SUGCT: variants seen among roughly 807,000 people sequenced by gnomAD.
The protein encoded by SUGCT is succinyl-CoA:glutarate CoA-transferase.
In SUGCT, 41 loss-of-function variants were observed where a neutral mutation model predicts 55.0. The observed-to-expected ratio is 0.74, with a 90% confidence interval of 0.58 to 0.97. The LOEUF is 0.97. Ranked by LOEUF, SUGCT falls within the 50% of genes least tolerant of loss-of-function variation. The pLI is 0.00. For missense variants in SUGCT, 568 were observed against 547.8 expected, an observed-to-expected ratio of 1.04 and a Z score of -0.37; for synonymous variants, 187 against 200.4, an observed-to-expected ratio of 0.93 and a Z score of 0.56.
At position 40,327,377 on chromosome 7, in the gene SUGCT, G is replaced by A. The variant is rs138415154; in HGVS notation, c.816+10522G>A. 4.3e-4 allele frequency among the ~76,000 whole-genome samples: 65 copies of A among 152,232 alleles called. 1 individual carries two copies. The East Asian group carries it at 0.011, about 27-fold the overall frequency. ...AAATTAAGGCAGATGTGCCAGCTGCGGCATAATAGCTGCCACCCTCTGGGC... is the reference window on the plus strand; with the variant it reads ...AAATTAAGGCAGATGTGCCAGCTGCAGCATAATAGCTGCCACCCTCTGGGC... On this transcript the variant is annotated intron_variant, in intron 9 of 13. Coordinates refer to ENST00000335693, the MANE Select transcript of SUGCT (RefSeq NM_001193313.2).
intron 9 of SUGCT, among the ~76,000 whole-genome samples, chr7:40,400,239 A>G (rs1785988752): frequency 6.6e-6 from 1 of 152,128 alleles, no homozygotes; most frequent in Non-Finnish European, 1.5e-5. Context: ...TGGTGAATTT[A>G]TTAGTCTATT....
chr7:40,931,177 A>AC, the SUGCT span, among the ~76,000 whole-genome samples: 29 of 152,218 alleles, frequency 1.9e-4, no homozygotes, highest in Admixed American at 1.9e-3. Flanking sequence ...CTATTAAGAT[A>AC]ATCATGTGGT....
chr7:40,213,605 G>A lies in SUGCT; in HGVS notation c.484+18545G>A, dbSNP rs375499950. Among the ~76,000 whole-genome samples, 12 of 152,264 alleles carry A rather than the reference G, an allele frequency of 7.9e-5. No individual in the cohort carries two copies. The East Asian group carries it at 9.6e-4, about 12-fold the overall frequency. On this transcript the variant is annotated intron_variant, in intron 6 of 13. Coordinates refer to ENST00000335693, the MANE Select transcript of SUGCT (RefSeq NM_001193313.2). ...GGAACTCAAGTTCAGCCTCCTCTCTGCTGAAGGGGAATGAAGCTTCACCTC... is the reference window on the plus strand; with the variant it reads ...GGAACTCAAGTTCAGCCTCCTCTCTACTGAAGGGGAATGAAGCTTCACCTC...
chr7:40,695,693 A>T (rs1784898334), intron 12 of SUGCT, among the ~76,000 whole-genome samples: 1 of 152,136 alleles, frequency 6.6e-6, no homozygotes, highest in South Asian at 2.1e-4. Context: ...TTCCATTAAG[A>T]CAGAATTTTT....
At chr7:40,987,004 A>T in the SUGCT span, among the ~76,000 whole-genome samples, 1 of 152,170 alleles carries the variant, frequency 6.6e-6, no homozygotes, top group Non-Finnish European at 1.5e-5. Flanking sequence ...TCCTTTATTC[A>T]AAAAAATCTA....
chr7:40,496,422 T>G, intron 12 of SUGCT, 36 bp downstream of exon 12: 1 of 1,394,884 alleles, frequency 7.2e-7, no homozygotes, highest in Non-Finnish European at 1.0e-6. Context: ...CTCTGTTTTC[T>G]GTCCAGATTG....
the SUGCT span, among the ~76,000 whole-genome samples, chr7:40,955,641 A>G: frequency 1.3e-5 from 2 of 152,122 alleles, no homozygotes; most frequent in Admixed American, 6.5e-5. Flanking sequence ...CTCTTGCCTG[A>G]TTTCCCTGGC....
chr7:40,144,325 G>A (rs887121448), intron 1 of SUGCT, among the ~76,000 whole-genome samples: 4 of 152,288 alleles, frequency 2.6e-5, no homozygotes, highest in South Asian at 4.1e-4. Context: ...GCAATAGAGC[G>A]AGGAAAGAAG....
chr7:40,779,176 C>G (rs536089545), intron 13 of SUGCT, among the ~76,000 whole-genome samples: 1 of 152,160 alleles, frequency 6.6e-6, no homozygotes. Flanking sequence ...AAATGGGAAT[C>G]AACTCCCCTC....
chr7:40,610,452 G>A (rs1311146308), intron 12 of SUGCT, among the ~76,000 whole-genome samples: 2 of 152,094 alleles, frequency 1.3e-5, no homozygotes, highest in Non-Finnish European at 2.9e-5. Context: ...GATTTTTGTG[G>A]TGTGTCTTTT....
At chr7:40,140,685 C>T (rs1787936136) in intron 1 of SUGCT, among the ~76,000 whole-genome samples, 1 of 152,162 alleles carries the variant, frequency 6.6e-6, no homozygotes, top group South Asian at 2.1e-4. Context: ...AGGCATGAGG[C>T]ACCGCACCTG....
the SUGCT span, among the ~76,000 whole-genome samples, chr7:41,020,907 G>A: frequency 6.6e-6 from 1 of 152,230 alleles, no homozygotes; most frequent in African/African-American, 2.4e-5. Flanking sequence ...GCCTGATATG[G>A]TTGTGGGATA....
chr7:40,587,822 A>G (rs1353820174), intron 12 of SUGCT, among the ~76,000 whole-genome samples: 1 of 152,060 alleles, frequency 6.6e-6, no homozygotes, highest in Non-Finnish European at 1.5e-5. Flanking sequence ...AATCACTTGT[A>G]TGAGACAACA....
the SUGCT span, among the ~76,000 whole-genome samples, chr7:40,883,303 A>G: frequency 1.3e-5 from 2 of 152,214 alleles, no homozygotes; most frequent in East Asian, 3.9e-4. Flanking sequence ...GCTGTTCTTT[A>G]TTCCTACAGT....
intron 6 of SUGCT, among the ~76,000 whole-genome samples, chr7:40,204,869 G>GGCTGCAGTGAGCTCTGATT (rs932741155): frequency 2.0e-5 from 3 of 152,096 alleles, no homozygotes; most frequent in Admixed American, 1.3e-4. Flanking sequence ...AGGAGTTTGA[G>GGCTGCAGTGAGCTCTGATT]GCTGCAGTGA....
At chr7:40,210,768 G>C (rs1319517512) in intron 6 of SUGCT, among the ~76,000 whole-genome samples, 1 of 152,072 alleles carries the variant, frequency 6.6e-6, no homozygotes, top group Non-Finnish European at 1.5e-5. Context: ...CTAATTTAAA[G>C]AGAATGACAG....
intron 7 of SUGCT, among the ~76,000 whole-genome samples, chr7:40,242,125 C>A (rs1000040073): frequency 1.3e-5 from 2 of 151,790 alleles, no homozygotes; most frequent in Non-Finnish European, 2.9e-5. Flanking sequence ...GTATTTTGAT[C>A]CTCACATTGG....
At chr7:40,776,794 C>G (rs1921742) in intron 13 of SUGCT, among the ~76,000 whole-genome samples, 3,561 of 152,268 alleles carry the variant, frequency 0.023, 52 homozygotes, top group Non-Finnish European at 0.037. Context: ...AGACATTGCT[C>G]ATCAATCCCA....
At chr7:41,037,950 A>G in the SUGCT span, among the ~76,000 whole-genome samples, 4 of 152,282 alleles carry the variant, frequency 2.6e-5, no homozygotes, top group African/African-American at 9.6e-5. Flanking sequence ...TGCAGTTGCT[A>G]TGAGGGAATG....
Sources: allele counts gnomAD v4.1 joint callset (sites outside exome capture counted in the v4.1 genomes callset), GRCh38; gene constraint gnomAD v4.1.1; transcripts MANE v1.5; gene names NCBI Gene and HGNC (gene_info 2026-07-23, HGNC 2026-07-21).